ROBO2: variants seen among roughly 807,000 people sequenced by gnomAD.
ROBO2 encodes the protein roundabout guidance receptor 2.
In ROBO2, 53 loss-of-function variants were observed where a neutral mutation model predicts 160.8. That is an observed-to-expected ratio of 0.33 (90% CI 0.26 to 0.41). The LOEUF is 0.41. Among genes scored for constraint, ROBO2 ranks in the 10% least tolerant of loss-of-function variants. The pLI is 1.00. For missense variants in ROBO2, 1,577 were observed against 1,722.4 expected, an observed-to-expected ratio of 0.92 and a Z score of 1.49; for synonymous variants, 664 against 611.7, an observed-to-expected ratio of 1.09 and a Z score of -1.26.
At chr3:77,141,468 G>A (rs1443016340) in intron 2 of ROBO2, among the ~76,000 whole-genome samples, 1 of 152,120 alleles carries the variant, frequency 6.6e-6, no homozygotes, top group Non-Finnish European at 1.5e-5. Context: ...CACCTTCCAT[G>A]ATGCCCGTAA....
At chr3:77,492,938 G>A (rs1174753082) in intron 4 of ROBO2, among the ~76,000 whole-genome samples, 1 of 152,086 alleles carries the variant, frequency 6.6e-6, no homozygotes, top group Non-Finnish European at 1.5e-5. Flanking sequence ...AGAATTCAGT[G>A]TTCTGATTTT....
At chr3:76,213,206 C>G (rs566158988) in intron 2 of ROBO2, among the ~76,000 whole-genome samples, 36 of 152,020 alleles carry the variant, frequency 2.4e-4, no homozygotes, top group African/African-American at 8.0e-4. Flanking sequence ...AAAACAAACT[C>G]TAGAAAATTC....
intron 2 of ROBO2, among the ~76,000 whole-genome samples, chr3:75,959,012 C>G (rs1434825419): frequency 7.9e-5 from 12 of 151,762 alleles, no homozygotes; most frequent in Non-Finnish European, 1.5e-5. Flanking sequence ...TGAGTCAGAG[C>G]AACTTTAAGG....
chr3:77,192,919 G>T (rs1225407217), intron 2 of ROBO2, among the ~76,000 whole-genome samples: 4 of 151,928 alleles, frequency 2.6e-5, no homozygotes, highest in Non-Finnish European at 5.9e-5. Context: ...CTCCAAAAGT[G>T]CTGGGATTAC....
intron 8 of ROBO2, among the ~76,000 whole-genome samples, chr3:77,556,159 C>G (rs139976397): frequency 8.6e-4 from 131 of 151,924 alleles, no homozygotes; most frequent in Middle Eastern, 3.4e-3. Flanking sequence ...AAAAATTACT[C>G]ATAGTGTTTT....
At chr3:77,287,387 C>A (rs2060681808) in intron 2 of ROBO2, among the ~76,000 whole-genome samples, 1 of 151,992 alleles carries the variant, frequency 6.6e-6, no homozygotes, top group African/African-American at 2.4e-5. Context: ...AACTTATAAC[C>A]CCCTATTCTT....
At chr3:76,309,006 C>G (rs1315728238) in intron 2 of ROBO2, among the ~76,000 whole-genome samples, 1 of 152,176 alleles carries the variant, frequency 6.6e-6, no homozygotes, top group Non-Finnish European at 1.5e-5. Context: ...TTATTATATT[C>G]AAACCTATTT....
intron 2 of ROBO2, among the ~76,000 whole-genome samples, chr3:76,147,715 T>C (rs1156837295): frequency 2.0e-5 from 3 of 151,954 alleles, no homozygotes; most frequent in African/African-American, 7.2e-5. Flanking sequence ...GGAAGGACCC[T>C]CAATGCGTCT....
chr3:77,394,513 G>C (rs1028133166), intron 2 of ROBO2, among the ~76,000 whole-genome samples: 2 of 152,092 alleles, frequency 1.3e-5, no homozygotes, highest in Non-Finnish European at 2.9e-5. Flanking sequence ...CAGTATCACA[G>C]TTCCTTGTTT....
At chr3:77,164,385 AGGTGGGGGGTC>A (rs2078759820) in intron 2 of ROBO2, among the ~76,000 whole-genome samples, 1 of 94,854 alleles carries the variant, frequency 1.1e-5, no homozygotes, top group Admixed American at 1.1e-4. Context: ...TCCGGGAGGG[AGGTGGGGGGTC>A]AGCCCCCCGC....
chr3:77,505,311 A>G (rs1388079702), intron 5 of ROBO2, among the ~76,000 whole-genome samples: 1 of 152,150 alleles, frequency 6.6e-6, no homozygotes, highest in Non-Finnish European at 1.5e-5. Context: ...GGACATTAAT[A>G]CAAGTGGTCA....
chr3:76,931,429 C>G (rs1433332587), intron 2 of ROBO2, among the ~76,000 whole-genome samples: 2 of 151,998 alleles, frequency 1.3e-5, no homozygotes, highest in African/African-American at 4.8e-5. Context: ...AAGCATGTGC[C>G]TCTTTTCCAC....
chr3:76,711,721 G>A (rs2093297925), intron 2 of ROBO2, among the ~76,000 whole-genome samples: 1 of 152,092 alleles, frequency 6.6e-6, no homozygotes. Context: ...TTTTCATCAT[G>A]CACCATGCTG....
chr3:76,396,406 C>T (rs889863546), intron 2 of ROBO2, among the ~76,000 whole-genome samples: 9 of 152,096 alleles, frequency 5.9e-5, no homozygotes, highest in African/African-American at 2.2e-4. Context: ...CCTTTGAAAA[C>T]TGGCACAAGA....
rs11414735 is a variant in ROBO2, at chr3:77,276,217, C to CAA, written c.388+177888_388+177889dup. 9.9e-4 allele frequency among the ~76,000 whole-genome samples: 142 copies of CAA among 143,540 alleles called. 1 individual carries two copies. Among genetic ancestry groups the CAA allele is most frequent in the South Asian group, 2.5e-3 (11 of 4,460 alleles). The allele number at this position is 143,540 out of a possible 152,430, so 94.2% of individuals were successfully genotyped here. On this transcript the variant is annotated intron_variant, in intron 2 of 25. Transcript: ENST00000461745. ...TTAATAAGTTGTAAAAACAAACAAACAAAAAAAAAAAACAAAAGAAAAAAT... is the reference window on the plus strand; with the variant it reads ...TTAATAAGTTGTAAAAACAAACAAACAAAAAAAAAAAAAACAAAAGAAAAAAT...
At chr3:76,310,652 G>A (rs2071535971) in intron 2 of ROBO2, among the ~76,000 whole-genome samples, 1 of 152,184 alleles carries the variant, frequency 6.6e-6, no homozygotes, top group Non-Finnish European at 1.5e-5. Context: ...GTCTTCCTCT[G>A]CTACATTGCC....
At chr3:76,386,119 A>G (rs1032227004) in intron 2 of ROBO2, among the ~76,000 whole-genome samples, 20 of 152,320 alleles carry the variant, frequency 1.3e-4, no homozygotes, top group Non-Finnish European at 2.5e-4. Flanking sequence ...AGTCATATTT[A>G]AATATAAATT....
intron 2 of ROBO2, among the ~76,000 whole-genome samples, chr3:77,212,414 G>T (rs374358908): frequency 3.3e-5 from 5 of 151,950 alleles, no homozygotes; most frequent in Admixed American, 6.6e-5. Flanking sequence ...GTGATTTTTG[G>T]ACATTGATTT....
At chr3:76,397,368 A>T (rs911658742) in intron 2 of ROBO2, among the ~76,000 whole-genome samples, 1 of 152,204 alleles carries the variant, frequency 6.6e-6, no homozygotes, top group Non-Finnish European at 1.5e-5. Context: ...AACCATAAAA[A>T]GCCTAGAAGA....
Sources: allele counts gnomAD v4.1 joint callset (sites outside exome capture counted in the v4.1 genomes callset), GRCh38; gene constraint gnomAD v4.1.1; transcripts MANE v1.5; gene names NCBI Gene and HGNC (gene_info 2026-07-23, HGNC 2026-07-21).